COL6A6: variants seen among roughly 807,000 people sequenced by gnomAD.
COL6A6 encodes the protein collagen alpha-6(VI) chain.
A neutral mutation model predicts 208.6 loss-of-function variants in COL6A6; 183 were observed. The observed-to-expected ratio is 0.88, with a 90% CI of 0.78 to 0.99. The LOEUF (loss-of-function observed/expected upper bound fraction) is 0.99, where lower values mean the gene tolerates loss of function less well. COL6A6 is among the 50% of genes least tolerant of loss of function. COL6A6 has a pLI of 0.00. For synonymous variants in COL6A6, 973 were observed against 1,011.8 expected, an observed-to-expected ratio of 0.96 and a Z score of 0.73; for missense variants, 2,816 against 2,815.2, an observed-to-expected ratio of 1.00 and a Z score of -0.01.
chr3:130,538,905 C>G (rs2062288566), intron 1 of COL6A6, among the ~76,000 whole-genome samples: 1 of 152,310 alleles, frequency 6.6e-6, no homozygotes, highest in South Asian at 2.1e-4. Flanking sequence ...TTGGGTAATG[C>G]TTGCTGCTGT....
At chr3:130,657,997 C>T (rs1040293265) in intron 33 of COL6A6, among the ~76,000 whole-genome samples, 20 of 152,100 alleles carry the variant, frequency 1.3e-4, no homozygotes, top group African/African-American at 4.6e-4. Context: ...CTGTTCTCTA[C>T]CCTCAAGCTC....
At chr3:130,625,888 A>G (rs559656284) in intron 24 of COL6A6, among the ~76,000 whole-genome samples, 71 of 152,366 alleles carry the variant, frequency 4.7e-4, no homozygotes, top group Admixed American at 7.2e-4. Context: ...AACTTTCCAT[A>G]TTATGTTCAC....
chr3:130,623,074 A>G (rs2108278735), intron 24 of COL6A6, among the ~76,000 whole-genome samples: 1 of 152,304 alleles, frequency 6.6e-6, no homozygotes, highest in Non-Finnish European at 1.5e-5. Context: ...TTCAGTGGCC[A>G]GCACGGTGTT....
intron 6 of COL6A6, 131 bp from the exon 7 acceptor site, chr3:130,570,687 G>A: frequency 1.5e-6 from 1 of 669,094 alleles, no homozygotes; most frequent in Non-Finnish European, 2.5e-6. Context: ...TCTTATCCAG[G>A]GAACCGACAT....
intron 1 of COL6A6, among the ~76,000 whole-genome samples, chr3:130,527,010 C>CCT (rs10622469): frequency 0.8 from 121,325 of 151,964 alleles, 49,709 homozygotes; most frequent in Non-Finnish European, 0.89. Context: ...TGGCCTTAGG[C>CCT]CTCAGCTCAG....
In COL6A6 at chr3:130,627,303, A is replaced by G. The variant is rs777252842; in HGVS notation, c.4942-16A>G. ...CTGTAGTCTGGGATGTTGGTAATCA[A>G]TTGCTCTGTTTACAGGGCAATGATG... On this transcript the variant is annotated splice_polypyrimidine_tract_variant and intron_variant, in intron 25 of 36. Coordinates refer to ENST00000358511, the MANE Select transcript of COL6A6 (RefSeq NM_001102608.3). 28 of 1,611,478 alleles carry G rather than the reference A, an allele frequency of 1.7e-5. No homozygotes were observed. The highest frequency in any genetic ancestry group is 2.0e-5 in the Non-Finnish European group (23 of 1,177,782).
intron 21 of COL6A6, among the ~76,000 whole-genome samples, chr3:130,607,994 T>TGC (rs2064236923): frequency 6.6e-6 from 1 of 152,208 alleles, no homozygotes; most frequent in South Asian, 2.1e-4. Context: ...CTAGAAATGG[T>TGC]GCCTTCTTGC....
chr3:130,587,321 T>C (rs1401204697), intron 11 of COL6A6, among the ~76,000 whole-genome samples: 1 of 152,224 alleles, frequency 6.6e-6, no homozygotes. Flanking sequence ...AGTGCAGTGT[T>C]GTGATCTCAG....
chr3:130,634,370 CTAGG>C (rs1262878261), intron 26 of COL6A6, among the ~76,000 whole-genome samples: 1 of 151,998 alleles, frequency 6.6e-6, no homozygotes, highest in Non-Finnish European at 1.5e-5. Flanking sequence ...TTTTAGCCAC[CTAGG>C]TAGTTATGAT....
At chr3:130,654,605 T>A (rs138050714) in intron 33 of COL6A6, among the ~76,000 whole-genome samples, 13 of 152,368 alleles carry the variant, frequency 8.5e-5, no homozygotes, top group African/African-American at 2.2e-4. Flanking sequence ...TATAAGTATC[T>A]GGAGCCCAGG....
At chr3:130,590,935 CACTT>C (rs1213598570) in intron 12 of COL6A6, 102 bp from the exon 13 acceptor site, 5 of 814,292 alleles carry the variant, frequency 6.1e-6, no homozygotes, top group South Asian at 4.6e-5. Flanking sequence ...TTTTTTCAAA[CACTT>C]ACTATTCCAC....
chr3:130,621,750 A>G (rs1446063207), intron 23 of COL6A6, 71 bp from the exon 24 acceptor site: 2 of 1,336,032 alleles, frequency 1.5e-6, no homozygotes, highest in African/African-American at 2.9e-5. Flanking sequence ...CTTTCCTCTT[A>G]TAAGACAGAG....
chr3:130,590,606 C>T (rs542744451), intron 12 of COL6A6, among the ~76,000 whole-genome samples: 9 of 151,806 alleles, frequency 5.9e-5, no homozygotes, highest in African/African-American at 1.2e-4. Flanking sequence ...CTCGCTCTGC[C>T]GCCCAGGCTG....
chr3:130,614,270 G>A (rs1417839718), intron 23 of COL6A6, among the ~76,000 whole-genome samples: 2 of 152,108 alleles, frequency 1.3e-5, no homozygotes, highest in Admixed American at 6.6e-5. Flanking sequence ...AGATAATCAT[G>A]TAGTTTTTGT....
chr3:130,606,700 A>AT (rs1179942019), intron 20 of COL6A6, among the ~76,000 whole-genome samples: 7 of 152,212 alleles, frequency 4.6e-5, no homozygotes, highest in African/African-American at 1.7e-4. Flanking sequence ...TCAATTGTCT[A>AT]TTATTTCTAT....
At position 130,618,451 on chromosome 3, in the gene COL6A6, GC is replaced by G. The variant is rs1270947102; in HGVS notation, c.4816-3369del. ...AAAGCCAAAGAAGATTTGATCTCTA[GC>G]TAATGCCCTTCCCCTTTAAATGCCC... On this transcript the variant is annotated intron_variant, in intron 23 of 36. Coordinates refer to ENST00000358511, the MANE Select transcript of COL6A6 (RefSeq NM_001102608.3). Among the ~76,000 whole-genome samples, 7 of 152,200 alleles carry G rather than the reference GC, an allele frequency of 4.6e-5. No homozygotes were observed. The East Asian group carries it at 1.3e-3, about 29-fold the overall frequency.
At chr3:130,519,537 A>T (rs35732251) in intron 1 of COL6A6, among the ~76,000 whole-genome samples, 1 of 105,416 alleles carries the variant, frequency 9.5e-6, no homozygotes, top group Non-Finnish European at 2.0e-5. Context: ...GGCCAAAATT[A>T]TTTTTTTTCC....
intron 32 of COL6A6, among the ~76,000 whole-genome samples, chr3:130,646,003 C>T (rs989516747): frequency 1.3e-5 from 2 of 152,294 alleles, no homozygotes; most frequent in South Asian, 4.1e-4. Context: ...AATGAATCTG[C>T]TTCCTGTGCT....
At chr3:130,616,605 A>G (rs1400373174) in intron 23 of COL6A6, among the ~76,000 whole-genome samples, 1 of 151,850 alleles carries the variant, frequency 6.6e-6, no homozygotes, top group Non-Finnish European at 1.5e-5. Flanking sequence ...ACAAATTTCA[A>G]TTGAAGCTGT....
Sources: gnomAD v4.1 joint callset for allele counts (sites outside exome capture counted in the v4.1 genomes callset) on GRCh38, gnomAD v4.1.1 for gene constraint, MANE v1.5 for transcripts, NCBI Gene and HGNC (gene_info 2026-07-23, HGNC 2026-07-21) for gene names.